The following SENP6 variants were observed in gnomAD, a reference collection of about 807,000 sequenced individuals.
The protein encoded by SENP6 is sentrin-specific protease 6.
A neutral mutation model predicts 134.5 loss-of-function variants in SENP6; 41 were observed. The ratio of observed to expected loss-of-function variants is 0.30; its 90% confidence interval spans 0.24 to 0.40. The LOEUF is 0.40. Among genes scored for constraint, SENP6 ranks in the 10% least tolerant of loss-of-function variants. The pLI is 1.00. For synonymous variants in SENP6, 395 were observed against 429.8 expected (o/e 0.92, Z 1.00); for missense variants, 1,248 against 1,312.5 (o/e 0.95, Z 0.76).
chr6:75,641,116 C>G (rs1196328263), intron 6 of SENP6, among the ~76,000 whole-genome samples: 1 of 152,152 alleles, frequency 6.6e-6, no homozygotes, highest in African/African-American at 2.4e-5. Flanking sequence ...CCATCCTCTC[C>G]TCCCCTACCC....
intron 3 of SENP6, among the ~76,000 whole-genome samples, chr6:75,630,340 GA>G: frequency 6.6e-6 from 1 of 152,164 alleles, no homozygotes; most frequent in Non-Finnish European, 1.5e-5. Flanking sequence ...AAAGTGCTGG[GA>G]TTACAGGTTT....
At chr6:75,692,712 C>T (rs1449548439) in intron 16 of SENP6, among the ~76,000 whole-genome samples, 1 of 151,794 alleles carries the variant, frequency 6.6e-6, no homozygotes, top group Non-Finnish European at 1.5e-5. Context: ...AGCCCCACAT[C>T]CCTCGCCCCC....
intron 16 of SENP6, among the ~76,000 whole-genome samples, chr6:75,690,764 C>T (rs1160511834): frequency 2.7e-5 from 4 of 150,902 alleles, no homozygotes; most frequent in African/African-American, 7.4e-5. Flanking sequence ...GGTGCAATCT[C>T]GGCTCACTGC....
At position 75,605,168 on chromosome 6, in the gene SENP6, G is replaced by A. The variant is rs565582205; in HGVS notation, c.52+2592G>A. Among the ~76,000 whole-genome samples, 12 of 152,316 alleles carry A rather than the reference G, an allele frequency of 7.9e-5. No individual in the cohort carries two copies. In the South Asian group the frequency reaches 1.0e-3, roughly 13 times the overall value. On this transcript the variant is annotated intron_variant, in intron 1 of 23. Coordinates refer to ENST00000447266, the MANE Select transcript of SENP6 (RefSeq NM_015571.4). ...TATTTCCCCATACATAGGCTCCTAG[G>A]ATTTAATATTAAGACATCTACATAT...
intron 3 of SENP6, among the ~76,000 whole-genome samples, chr6:75,633,380 C>T (rs1328562445): frequency 4.6e-5 from 7 of 151,994 alleles, no homozygotes; most frequent in Non-Finnish European, 1.0e-4. Flanking sequence ...TACAATAAAC[C>T]TCCATGTTCC....
intron 7 of SENP6, among the ~76,000 whole-genome samples, chr6:75,657,198 A>T (rs1302251341): frequency 6.6e-6 from 1 of 152,214 alleles, no homozygotes. Context: ...CTTATGTTTT[A>T]AGACTGCTTT....
At chr6:75,628,555 T>C (rs1768872159) in intron 3 of SENP6, among the ~76,000 whole-genome samples, 2 of 152,190 alleles carry the variant, frequency 1.3e-5, no homozygotes, top group South Asian at 4.1e-4. Flanking sequence ...TGAATGAAAC[T>C]TTCAGAACAA....
At chr6:75,691,594 GTTTTTGTTTTTTGT>G (rs1386704459) in intron 16 of SENP6, among the ~76,000 whole-genome samples, 3 of 147,508 alleles carry the variant, frequency 2.0e-5, no homozygotes, top group Non-Finnish European at 4.6e-5. Context: ...TTTGTTTTTT[GTTTTTGTTTTTTGT>G]TTTTTTTTTG....
At chr6:75,649,320 T>C (rs970198980) in intron 7 of SENP6, among the ~76,000 whole-genome samples, 1 of 151,038 alleles carries the variant, frequency 6.6e-6, no homozygotes, top group African/African-American at 2.4e-5. Flanking sequence ...GTCTCAAAAG[T>C]GAAAAAAAAA....
chr6:75,705,925 C>T (rs2842569), intron 19 of SENP6, among the ~76,000 whole-genome samples: 25,944 of 46,846 alleles, frequency 0.55, 6,465 homozygotes, highest in African/African-American at 0.74. Flanking sequence ...ATTTTTGAGC[C>T]TTTTTTTTTT....
chr6:75,612,114 G>A (rs1198910423), intron 1 of SENP6, among the ~76,000 whole-genome samples: 1 of 152,152 alleles, frequency 6.6e-6, no homozygotes, highest in Non-Finnish European at 1.5e-5. Context: ...CATCTGCAGG[G>A]ATGATTTGGT....
At chr6:75,699,311 T>TA (rs1774865410) in intron 18 of SENP6, among the ~76,000 whole-genome samples, 1 of 148,156 alleles carries the variant, frequency 6.7e-6, no homozygotes, top group Non-Finnish European at 1.5e-5. Context: ...ATTTGTAGAT[T>TA]AAAAAATAGC....
chr6:75,606,371 C>T (rs1051103918), intron 1 of SENP6, among the ~76,000 whole-genome samples: 7 of 152,158 alleles, frequency 4.6e-5, no homozygotes, highest in African/African-American at 1.7e-4. Flanking sequence ...CTAACTGTTG[C>T]TCATAACCCC....
rs904214528 is a variant in SENP6 at position 75,608,127 on chromosome 6, C to T, written c.52+5551C>T. Among the ~76,000 whole-genome samples, 3 of 152,250 alleles carry T rather than the reference C, an allele frequency of 2.0e-5. No homozygotes were observed. The South Asian group carries it at 6.2e-4, about 32-fold the overall frequency. ...TCTGTTTATCATGTGAGTTCATGTA[C>T]TTGAAACAGTAAAGTAGAACCTCAC... On this transcript the variant is annotated intron_variant, in intron 1 of 23. Transcript: ENST00000447266.
intron 6 of SENP6, among the ~76,000 whole-genome samples, chr6:75,641,880 T>C (rs945783476): frequency 6.6e-6 from 1 of 152,168 alleles, no homozygotes; most frequent in Non-Finnish European, 1.5e-5. Flanking sequence ...AGTCCAGCTA[T>C]TTTTAATTTC....
At position 75,682,405 on chromosome 6, in the gene SENP6, CT is replaced by C. The variant is rs57414064; in HGVS notation, c.2075+3490del. On this transcript the variant is annotated intron_variant, in intron 16 of 23. Transcript: ENST00000447266. Reference sequence around the variant, plus strand: ...ATCTACTCAACATCAGGATTATATTCTTTTTTTTTTTTAATTATACTTTAAG... The same window carrying C: ...ATCTACTCAACATCAGGATTATATTCTTTTTTTTTTTAATTATACTTTAAG... Among the ~76,000 whole-genome samples the C allele has an allele frequency of 1.8e-3, 265 of 146,382 alleles. 1 individual carries two copies. The highest frequency in any genetic ancestry group is 4.3e-3 in the South Asian group (20 of 4,616).
chr6:75,688,728 C>T (rs953643976), intron 16 of SENP6, among the ~76,000 whole-genome samples: 4 of 152,150 alleles, frequency 2.6e-5, no homozygotes, highest in Admixed American at 2.0e-4. Context: ...GAGACCCAGC[C>T]TGTGCAATAT....
rs951942455 is a variant in SENP6 at position 75,663,752 on chromosome 6, C to T, written c.994+234C>T. ...GTTATAACCAGCATTCTGACTTCGGCCAGGTTAATTTAATCTTTCTGATCT... is the reference window on the plus strand; with the variant it reads ...GTTATAACCAGCATTCTGACTTCGGTCAGGTTAATTTAATCTTTCTGATCT... On this transcript the variant is annotated intron_variant, in intron 9 of 23. Transcript: ENST00000447266. Among the ~76,000 whole-genome samples the T allele has an allele frequency of 2.0e-5, 3 of 149,088 alleles. 1 individual carries two copies. In the South Asian group the frequency reaches 6.4e-4, roughly 32 times the overall value.
At position 75,632,144 on chromosome 6, in the gene SENP6, G is replaced by C. The variant is rs73453077; in HGVS notation, c.208-1437G>C. Among the ~76,000 whole-genome samples, 250 of 152,262 alleles carry C rather than the reference G, an allele frequency of 1.6e-3. 2 individuals are homozygous for C. Among genetic ancestry groups the C allele is most frequent in the African/African-American group, 5.8e-3 (243 of 41,556 alleles). On this transcript the variant is annotated intron_variant, in intron 3 of 23. Coordinates refer to ENST00000447266, the MANE Select transcript of SENP6 (RefSeq NM_015571.4). ...TGCCCTGGTGCATTTTTATGAATTA[G>C]TATGTACTTCCCTTGCCTGAGCATT...
Sources: allele counts gnomAD v4.1 joint callset (sites outside exome capture counted in the v4.1 genomes callset), GRCh38; gene constraint gnomAD v4.1.1; transcripts MANE v1.5; gene names NCBI Gene and HGNC (gene_info 2026-07-23, HGNC 2026-07-21).